RELL1: variants seen among roughly 807,000 people sequenced by gnomAD.
RELL1 encodes the protein RELT like 1.
A neutral mutation model predicts 23.0 loss-of-function variants in RELL1; 10 were observed. The observed-to-expected ratio is 0.43, with a 90% CI of 0.27 to 0.74. RELL1 has a LOEUF of 0.74. Ranked by LOEUF, RELL1 falls within the 30% of genes least tolerant of loss-of-function variation. The pLI, the probability that RELL1 is intolerant of heterozygous loss-of-function variation, is 0.19. For missense variants in RELL1, 315 were observed against 364.4 expected, an observed-to-expected ratio of 0.86 and a Z score of 1.10; for synonymous variants, 146 against 146.8, an observed-to-expected ratio of 0.99 and a Z score of 0.04.
chr4:37,634,461 G>A (rs928786723), intron 5 of RELL1, among the ~76,000 whole-genome samples: 12 of 152,152 alleles, frequency 7.9e-5, no homozygotes, highest in African/African-American at 1.7e-4. Context: ...AAAACCCCTC[G>A]TGAACAACCT....
intron 1 of RELL1, among the ~76,000 whole-genome samples, chr4:37,657,614 C>T (rs900817409): frequency 5.3e-5 from 8 of 152,076 alleles, no homozygotes; most frequent in Non-Finnish European, 7.4e-5. Context: ...AAGAAAGTTG[C>T]GGGAACAGGT....
Position 37,647,356 on chromosome 4 carries a change from A to C in RELL1, c.385+12T>G, listed in dbSNP as rs1720745456. 5.6e-6 allele frequency: 9 copies of C among 1,599,120 alleles called. No individual in the cohort carries two copies. The highest frequency in any genetic ancestry group is 6.9e-6 in the Non-Finnish European group (8 of 1,166,544). ...AATACTGAATTGTTTTGGAACACTA[A>C]AATGTTCACACCTTCATTTTTCATG... is the stretch of plus-strand genomic sequence containing the variant. On this transcript the variant is annotated intron_variant, in intron 3 of 6. Transcript: ENST00000454158.
chr4:37,616,426 T>G (rs888604302), intron 6 of RELL1, among the ~76,000 whole-genome samples: 3 of 152,240 alleles, frequency 2.0e-5, no homozygotes, highest in African/African-American at 7.2e-5. Flanking sequence ...CTCGCTTCTC[T>G]GCTCCCCACC....
At chr4:37,662,348 C>T (rs909084373) in intron 1 of RELL1, among the ~76,000 whole-genome samples, 2 of 152,064 alleles carry the variant, frequency 1.3e-5, no homozygotes, top group Admixed American at 6.6e-5. Context: ...TAAGCTGGGG[C>T]TTTCTTCTTA....
chr4:37,620,214 C>A (rs1449598106), intron 6 of RELL1, among the ~76,000 whole-genome samples: 2 of 152,122 alleles, frequency 1.3e-5, no homozygotes, highest in African/African-American at 4.8e-5. Context: ...ATTATATTAT[C>A]TTCTTTGTTG....
At chr4:37,625,362 T>C (rs1719902437) in intron 6 of RELL1, among the ~76,000 whole-genome samples, 1 of 152,116 alleles carries the variant, frequency 6.6e-6, no homozygotes, top group Non-Finnish European at 1.5e-5. Context: ...AATGGACAAA[T>C]GGGATTTCAT....
intron 1 of RELL1, among the ~76,000 whole-genome samples, chr4:37,657,111 G>A (rs927957356): frequency 3.3e-5 from 5 of 151,946 alleles, no homozygotes; most frequent in African/African-American, 1.2e-4. Flanking sequence ...TTCCCTTCTT[G>A]GATTTTGCTC....
At chr4:37,660,104 G>A in intron 1 of RELL1, among the ~76,000 whole-genome samples, 1 of 152,034 alleles carries the variant, frequency 6.6e-6, no homozygotes, top group South Asian at 2.1e-4. Context: ...TTATTTTTAA[G>A]CTAACATTCA....
chr4:37,640,244 T>C (rs767325756), intron 3 of RELL1, among the ~76,000 whole-genome samples: 3 of 152,210 alleles, frequency 2.0e-5, no homozygotes, highest in Non-Finnish European at 4.4e-5. Context: ...GATGTCCAAA[T>C]GCATTTTCAA....
At chr4:37,619,795 T>C (rs148601142) in intron 6 of RELL1, among the ~76,000 whole-genome samples, 1 of 152,216 alleles carries the variant, frequency 6.6e-6, no homozygotes, top group African/African-American at 2.4e-5. Context: ...GGTCTCAAAC[T>C]CCTGGCCTCG....
intron 3 of RELL1, among the ~76,000 whole-genome samples, chr4:37,646,082 G>A (rs1017845209): frequency 2.0e-5 from 3 of 152,178 alleles, no homozygotes; most frequent in South Asian, 4.1e-4. Flanking sequence ...GCCCATGCTG[G>A]CTAAAGCACA....
rs375318492 is a variant in RELL1 at position 37,631,348 on chromosome 4, C to T, written c.*3+37G>A. 150 of 1,591,882 alleles carry T rather than the reference C, an allele frequency of 9.4e-5. 1 individual carries two copies. Among genetic ancestry groups the T allele is most frequent in the Admixed American group, 1.6e-4 (9 of 57,806 alleles). On this transcript the variant is annotated intron_variant, in intron 6 of 6. Transcript: ENST00000454158. Reference sequence around the variant, plus strand: ...CCAAGTACCTTCTCCTCACCCTGCACCACTCTGCCCCCAATGTCACCAAAA... The same window carrying T: ...CCAAGTACCTTCTCCTCACCCTGCATCACTCTGCCCCCAATGTCACCAAAA...
At chr4:37,667,838 C>G (rs1721590741) in intron 1 of RELL1, among the ~76,000 whole-genome samples, 1 of 151,646 alleles carries the variant, frequency 6.6e-6, no homozygotes, top group South Asian at 2.1e-4. Flanking sequence ...ACTGATGAAA[C>G]AGTTGGTTAC....
At chr4:37,662,337 T>C (rs941707731) in intron 1 of RELL1, among the ~76,000 whole-genome samples, 3 of 152,186 alleles carry the variant, frequency 2.0e-5, no homozygotes, top group Non-Finnish European at 4.4e-5. Flanking sequence ...TAACCTATCC[T>C]TAAGCTGGGG....
intron 1 of RELL1, among the ~76,000 whole-genome samples, chr4:37,654,020 GTTAT>G (rs1202600434): frequency 6.6e-6 from 1 of 152,184 alleles, no homozygotes; most frequent in South Asian, 2.1e-4. Flanking sequence ...AAGCTTTGGG[GTTAT>G]TTGTCATACA....
chr4:37,639,792 T>C lies in RELL1; in HGVS notation c.386-1288A>G, dbSNP rs151302122. On this transcript the variant is annotated intron_variant, in intron 3 of 6. Coordinates refer to ENST00000454158, the MANE Select transcript of RELL1 (RefSeq NM_001085400.2). ...AGGAAAGAACAAATAAAAATCACTA[T>C]TTACCATGTAAGCCAACACCAACAT... 2.0e-4 allele frequency among the ~76,000 whole-genome samples: 31 copies of C among 152,334 alleles called. No individual in the cohort carries two copies. The East Asian group carries it at 5.8e-3, about 28-fold the overall frequency.
chr4:37,598,252 CAAAAAAAAAAAAAA>C (rs56142508), intron 6 of RELL1, among the ~76,000 whole-genome samples: 909 of 11,392 alleles, frequency 0.08, 32 homozygotes, highest in Middle Eastern at 0.2. Flanking sequence ...AACTCTGTCT[CAAAAAAAAAAAAAA>C]AAAAAAAAAA....
intron 1 of RELL1, among the ~76,000 whole-genome samples, chr4:37,676,998 A>T (rs901761455): frequency 8.5e-5 from 13 of 152,218 alleles, no homozygotes; most frequent in Non-Finnish European, 1.9e-4. Context: ...TGACTCCTAC[A>T]GGACACCGAA....
At chr4:37,617,320 CTAA>C (rs1294178725) in intron 6 of RELL1, among the ~76,000 whole-genome samples, 1 of 152,152 alleles carries the variant, frequency 6.6e-6, no homozygotes, top group Non-Finnish European at 1.5e-5. Flanking sequence ...AGACCCAGTA[CTAA>C]TGTTTTTCAA....
Sources: gnomAD v4.1 joint callset for allele counts (sites outside exome capture counted in the v4.1 genomes callset) on GRCh38, gnomAD v4.1.1 for gene constraint, MANE v1.5 for transcripts, NCBI Gene and HGNC (gene_info 2026-07-23, HGNC 2026-07-21) for gene names.